The following TCF4 variants were observed in gnomAD, a reference collection of about 807,000 sequenced individuals.
TCF4 encodes the protein transcription factor 4.
A neutral mutation model predicts 82.1 loss-of-function variants in TCF4; 3 were observed. The observed-to-expected ratio is 0.04, with a 90% CI of 0.02 to 0.09. The LOEUF is 0.09. Among genes scored for constraint, TCF4 ranks in the 10% least tolerant of loss-of-function variants. The pLI is 1.00. For missense variants in TCF4, 518 were observed against 852.7 expected (o/e 0.61, Z 4.89); for synonymous variants, 276 against 309.6 (o/e 0.89, Z 1.14).
rs3829630 is a variant in TCF4, at chr18:55,289,348, A to T, written c.550-9692T>A. Among the ~76,000 whole-genome samples the T allele has an allele frequency of 6.7e-4, 102 of 152,356 alleles. 2 individuals carry two copies. The East Asian group carries it at 0.019, about 29-fold the overall frequency. ...AAACACTTAACTAAGTTGTTTCCAA[A>T]CTTTTATTTACCAAATGCATTGATG... On this transcript the variant is annotated intron_variant, in intron 8 of 19. Transcript: ENST00000354452.
At chr18:55,266,836 A>G (rs768342860) in intron 11 of TCF4, 1 of 152,218 alleles carries the variant, frequency 6.6e-6, no homozygotes, top group Non-Finnish European at 1.5e-5. Context: ...TGAGATGCAG[A>G]GAACAGAAGA....
chr18:55,398,225 A>G (rs1021448573), intron 6 of TCF4, among the ~76,000 whole-genome samples: 3 of 152,176 alleles, frequency 2.0e-5, no homozygotes, highest in Non-Finnish European at 2.9e-5. Flanking sequence ...ATATACCCAT[A>G]ACAATCCCCC....
rs116801314 is a variant in TCF4 at position 55,498,351 on chromosome 18, G to A, written c.146-34214C>T. On this transcript the variant is annotated intron_variant, in intron 3 of 19. Transcript: ENST00000354452. ...ACACATGGTAAGCCTAGACTTTAAA[G>A]CATAATCACCTCCCTTATTCAGGGG... Among the ~76,000 whole-genome samples, 154 of 152,298 alleles carry A rather than the reference G, an allele frequency of 1.0e-3. 1 individual carries two copies. Among genetic ancestry groups the A allele is most frequent in the African/African-American group, 3.5e-3 (147 of 41,566 alleles).
rs558019103 is a variant in TCF4 at position 55,433,480 on chromosome 18, G to A, written c.304+27539C>T. 1.7e-4 allele frequency among the ~76,000 whole-genome samples: 26 copies of A among 152,328 alleles called. No homozygotes were observed. In the South Asian group the frequency reaches 3.9e-3, roughly 23 times the overall value. On this transcript the variant is annotated intron_variant, in intron 5 of 19. Coordinates refer to ENST00000354452, the MANE Select transcript of TCF4 (RefSeq NM_001083962.2). ...TGACTATCACTATTTACAATTTAGC[G>A]TTAATGGACCACGGATTTACTTTGC... is the stretch of plus-strand genomic sequence containing the variant.
chr18:55,251,938 T>G (rs1008075213), intron 15 of TCF4, among the ~76,000 whole-genome samples: 2 of 151,380 alleles, frequency 1.3e-5, no homozygotes, highest in African/African-American at 4.8e-5. Flanking sequence ...AGGTTTTTTT[T>G]TTTTTTTTTT....
At chr18:55,580,656 T>C (rs1407680192) in intron 3 of TCF4, among the ~76,000 whole-genome samples, 1 of 151,984 alleles carries the variant, frequency 6.6e-6, no homozygotes, top group African/African-American at 2.4e-5. Context: ...AAATGCTATC[T>C]ACCCTAAAGA....
At chr18:55,589,959 C>T, upstream of TCF4, 2 of 469,440 alleles carry the variant, frequency 4.3e-6, no homozygotes, top group East Asian at 1.4e-4. Flanking sequence ...GGAGCGGAGG[C>T]GGGTGGCTGT....
Position 55,588,101 on chromosome 18 carries a change from C to G in TCF4, c.-84G>C. On this transcript the variant is annotated 5_prime_UTR_variant, in exon 1 of 20. Coordinates refer to ENST00000354452, the MANE Select transcript of TCF4 (RefSeq NM_001083962.2). ...CGCCGAGGCGGCGTTCATGTCTAAC[C>G]GCCGCCGCCACCGCCGCCGCCTGCT... 2.0e-6 allele frequency: 2 copies of G among 1,021,968 alleles called. No individual in the cohort carries two copies. The highest frequency in any genetic ancestry group is 2.3e-6 in the Non-Finnish European group (2 of 858,686). 63.3% of individuals were successfully genotyped at this position (1,021,968 alleles called of 1,614,324 possible). A position where few individuals can be genotyped will look rare whatever the true frequency, so the allele number is the denominator to read the frequency against.
chr18:55,595,456 G>A (rs1418120580), intron 2 of TCF4, among the ~76,000 whole-genome samples: 1 of 152,148 alleles, frequency 6.6e-6, no homozygotes, highest in Admixed American at 6.5e-5. Flanking sequence ...CCAACACACT[G>A]CGTAGTGCAT....
At chr18:55,525,956 T>A (rs929031016) in intron 3 of TCF4, among the ~76,000 whole-genome samples, 1 of 152,194 alleles carries the variant, frequency 6.6e-6, no homozygotes, top group African/African-American at 2.4e-5. Flanking sequence ...GAAGATACAA[T>A]AAAATTACCA....
intron 3 of TCF4, among the ~76,000 whole-genome samples, chr18:55,582,013 C>G (rs1010303361): frequency 1.3e-5 from 2 of 152,062 alleles, no homozygotes; most frequent in African/African-American, 4.8e-5. Flanking sequence ...CCTGATCTAA[C>G]AAGTTCTTTA....
At chr18:55,398,803 A>C (rs2093639796) in intron 6 of TCF4, among the ~76,000 whole-genome samples, 1 of 152,250 alleles carries the variant, frequency 6.6e-6, no homozygotes, top group Admixed American at 6.5e-5. Context: ...AGGATAAAGC[A>C]GACATGGTCC....
chr18:55,318,817 A>T (rs1314287142), intron 8 of TCF4, among the ~76,000 whole-genome samples: 2 of 152,160 alleles, frequency 1.3e-5, no homozygotes, highest in Admixed American at 1.3e-4. Flanking sequence ...GTTAGAGGAC[A>T]ACTGATTTTA....
intron 3 of TCF4, among the ~76,000 whole-genome samples, chr18:55,578,554 C>T (rs1249938248): frequency 6.6e-6 from 1 of 152,010 alleles, no homozygotes; most frequent in Admixed American, 6.6e-5. Flanking sequence ...GATTTGAATG[C>T]AAACTTTTTA....
intron 8 of TCF4, among the ~76,000 whole-genome samples, chr18:55,291,500 T>G (rs1568748213): frequency 1.3e-5 from 2 of 152,122 alleles, no homozygotes; most frequent in Non-Finnish European, 2.9e-5. Flanking sequence ...CATCTTCCCT[T>G]TCATAAAGCT....
chr18:55,244,605 C>A (rs1168101414), intron 15 of TCF4, among the ~76,000 whole-genome samples: 1 of 152,218 alleles, frequency 6.6e-6, no homozygotes, highest in Non-Finnish European at 1.5e-5. Flanking sequence ...AAGTGCCCTG[C>A]AGAAGATTCC....
intron 2 of TCF4, among the ~76,000 whole-genome samples, chr18:55,586,660 C>T (rs1204309261): frequency 1.3e-5 from 2 of 152,024 alleles, no homozygotes; most frequent in Non-Finnish European, 2.9e-5. Flanking sequence ...TTTCCATTTC[C>T]AAAAACAATA....
intron 2 of TCF4, among the ~76,000 whole-genome samples, chr18:55,597,197 A>G (rs2097691875): frequency 6.6e-6 from 1 of 152,050 alleles, no homozygotes. Context: ...TTCATAAATT[A>G]CCCAGTCTTA....
intron 3 of TCF4, among the ~76,000 whole-genome samples, chr18:55,510,120 T>C (rs903449130): frequency 6.6e-6 from 1 of 152,204 alleles, no homozygotes; most frequent in African/African-American, 2.4e-5. Flanking sequence ...TGATGTTCTA[T>C]GCAGCACCAC....
Sources: allele counts gnomAD v4.1 joint callset (sites outside exome capture counted in the v4.1 genomes callset), GRCh38; gene constraint gnomAD v4.1.1; transcripts MANE v1.5; gene names NCBI Gene and HGNC (gene_info 2026-07-23, HGNC 2026-07-21).